The following RPL27A variants were observed in gnomAD, a reference collection of about 807,000 sequenced individuals.
The protein encoded by RPL27A is ribosomal protein L27a.
For missense variants in RPL27A, 118 were observed against 189.4 expected, an observed-to-expected ratio of 0.62 and a Z score of 2.21; for synonymous variants, 69 against 68.3, an observed-to-expected ratio of 1.01 and a Z score of -0.05.
In RPL27A at chr11:8,689,286, G is replaced by T. The variant is rs754930449; in HGVS notation, c.*3480G>T. On this transcript the variant is annotated 3_prime_UTR_variant, in exon 5 of 5. Coordinates refer to ENST00000314138, the MANE Select transcript of RPL27A (RefSeq NM_000990.5). ...TTCGAGATGGGAACCTCCAGAATTT[G>T]TCTCAATTGTCTAAAAGGTAATGAG... The T allele has an allele frequency of 6.6e-6, 1 of 152,250 alleles. No homozygotes were observed. The highest frequency in any genetic ancestry group is 1.5e-5 in the Non-Finnish European group (1 of 68,048). The allele number at this position is 152,250 out of a possible 1,614,324, so 9.4% of individuals were successfully genotyped here.
chr11:8,684,446 G>A (rs567756662), intron 3 of RPL27A: 2 of 700,672 alleles, frequency 2.9e-6, no homozygotes, highest in Non-Finnish European at 5.3e-6. Context: ...TTTCCATAGA[G>A]TGCTGTTATG....
chr11:8,685,173 C>G (rs1188170526), intron 4 of RPL27A: 8 of 498,894 alleles, frequency 1.6e-5, no homozygotes, highest in Non-Finnish European at 2.9e-5. Flanking sequence ...CTAATATGTT[C>G]CATTGATACT....
intron 4 of RPL27A, 71 bp from the exon 5 acceptor site, chr11:8,685,607 C>CT (rs759553238): frequency 6.4e-7 from 1 of 1,566,838 alleles, no homozygotes; most frequent in African/African-American, 1.3e-5. Flanking sequence ...GGTTGGCAGT[C>CT]TTTCCTCACG....
chr11:8,684,846 C>G lies in RPL27A; in HGVS notation c.272C>G (p.Ala91Gly), dbSNP rs749229070. ...LVSEQTRVNAAKNKTGAAPII... is the reference protein window; with the variant it reads ...LVSEQTRVNAGKNKTGAAPII... ...AGTGAACAGACACGGGTGAATGCTGCTAAAAACAAGACTGGGGCTGCTCCC... is the reference window on the plus strand; with the variant it reads ...AGTGAACAGACACGGGTGAATGCTGGTAAAAACAAGACTGGGGCTGCTCCC... The change falls in exon 4 of 5, where the codon GCT becomes GGT. Residue 91 changes from alanine to glycine, a missense_variant. By Grantham distance (60) the Ala-to-Gly change is moderately conservative. Coordinates refer to ENST00000314138, the MANE Select transcript of RPL27A (RefSeq NM_000990.5). 22 of 1,614,080 alleles carry G rather than the reference C, an allele frequency of 1.4e-5. No homozygotes were observed. The South Asian group carries it at 2.3e-4, about 17-fold the overall frequency.
rs1334524395 is a variant in RPL27A at position 8,685,886 on chromosome 11, A to G, written c.*80A>G. Reference sequence around the variant, plus strand: ...GTGTAGGTTCTTCAGTGGCACCTCTACATCCTGTGTGCATTGGGAGCCCAG... The same window carrying G: ...GTGTAGGTTCTTCAGTGGCACCTCTGCATCCTGTGTGCATTGGGAGCCCAG... On this transcript the variant is annotated 3_prime_UTR_variant, in exon 5 of 5. Coordinates refer to ENST00000314138, the MANE Select transcript of RPL27A (RefSeq NM_000990.5). The G allele has an allele frequency of 7.7e-6, 11 of 1,422,570 alleles. No individual in the cohort carries two copies. Among genetic ancestry groups the G allele is most frequent in the Non-Finnish European group, 8.8e-6 (9 of 1,025,936 alleles). 88.1% of individuals were successfully genotyped at this position (1,422,570 alleles called of 1,614,324 possible).
At position 8,686,618 on chromosome 11, in the gene RPL27A, T is replaced by A. The variant is rs2039589667; in HGVS notation, c.*812T>A. 1 of 152,244 alleles carries A rather than the reference T, an allele frequency of 6.6e-6. No individual in the cohort carries two copies. Among genetic ancestry groups the A allele is most frequent in the Non-Finnish European group, 1.5e-5 (1 of 68,042 alleles). The allele number at this position is 152,244 out of a possible 1,614,324, so 9.4% of individuals were successfully genotyped here. ...GATGGGGGTCCAGCAATCTGAAATTTCAGTATGCCAGGGCTTTTCTGTATG... is the reference window on the plus strand; with the variant it reads ...GATGGGGGTCCAGCAATCTGAAATTACAGTATGCCAGGGCTTTTCTGTATG... On this transcript the variant is annotated 3_prime_UTR_variant, in exon 5 of 5. Transcript: ENST00000314138.
chr11:8,684,644 G>T (rs969780660), intron 3 of RPL27A, 74 bp from the exon 4 acceptor site: 2 of 1,266,730 alleles, frequency 1.6e-6, no homozygotes, highest in Non-Finnish European at 2.3e-6. Context: ...CTAATAGGGG[G>T]TGGTAACTAT....
chr11:8,684,494 G>A (rs2039564998), intron 3 of RPL27A: 1 of 679,826 alleles, frequency 1.5e-6, no homozygotes, highest in African/African-American at 1.8e-5. Context: ...CTCTGACATT[G>A]TCGGTGGTTT....
chr11:8,683,421 G>A (rs2039531258), intron 2 of RPL27A, 156 bp downstream of exon 2: 3 of 641,532 alleles, frequency 4.7e-6, no homozygotes. Context: ...TAGTATTCCA[G>A]TTCTAAGGAA....
Position 8,685,906 on chromosome 11 carries a change from G to A in RPL27A, c.*100G>A. The A allele has an allele frequency of 8.3e-7, 1 of 1,206,210 alleles. No individual in the cohort carries two copies. The highest frequency in any genetic ancestry group is 2.4e-5 in the East Asian group (1 of 42,276). 74.7% of individuals were successfully genotyped at this position (1,206,210 alleles called of 1,614,324 possible). A position where few individuals can be genotyped will look rare whatever the true frequency, so the allele number is the denominator to read the frequency against. On this transcript the variant is annotated 3_prime_UTR_variant, in exon 5 of 5. Transcript: ENST00000314138. ...CCTCTACATCCTGTGTGCATTGGGA[G>A]CCCAGGTTCTAGTACTTAGGGTATG...
Position 8,685,873 on chromosome 11 carries a change from C to T in RPL27A, c.*67C>T, listed in dbSNP as rs560556038. The T allele has an allele frequency of 4.8e-5, 73 of 1,506,206 alleles. 1 individual carries two copies. In the African/African-American group the frequency reaches 9.3e-4, roughly 19 times the overall value. 93.3% of individuals were successfully genotyped at this position (1,506,206 alleles called of 1,614,324 possible). A position where few individuals can be genotyped will look rare whatever the true frequency, so the allele number is the denominator to read the frequency against. On this transcript the variant is annotated 3_prime_UTR_variant, in exon 5 of 5. Transcript: ENST00000314138. ...CCTTGTGGTGTGAGTGTAGGTTCTT[C>T]AGTGGCACCTCTACATCCTGTGTGC...
intron 3 of RPL27A, chr11:8,684,454 A>T (rs1231892382): frequency 2.9e-6 from 2 of 697,332 alleles, no homozygotes; most frequent in Admixed American, 1.8e-5. Flanking sequence ...GAGTGCTGTT[A>T]TGTGACTTGA....
Position 8,688,349 on chromosome 11 carries a change from TG to T in RPL27A, c.*2546del, listed in dbSNP as rs1019867011. The T allele has an allele frequency of 3.3e-5, 5 of 152,200 alleles. No individual in the cohort carries two copies. Among genetic ancestry groups the T allele is most frequent in the African/African-American group, 1.2e-4 (5 of 41,442 alleles). 9.4% of individuals were successfully genotyped at this position (152,200 alleles called of 1,614,324 possible). On this transcript the variant is annotated 3_prime_UTR_variant, in exon 5 of 5. Coordinates refer to ENST00000314138, the MANE Select transcript of RPL27A (RefSeq NM_000990.5). ...TGTTAGGCCATCCGATCCCCTGGCCTGGGAAAGAAACACTGATTTCGTTGCT... is the reference window on the plus strand; with the variant it reads ...TGTTAGGCCATCCGATCCCCTGGCCTGGAAAGAAACACTGATTTCGTTGCT...
In RPL27A at chr11:8,684,854, A is replaced by C. The variant is rs1296083813; in HGVS notation, c.280A>C (p.Lys94Gln). ...GACACGGGTGAATGCTGCTAAAAAC[A>C]AGACTGGGGCTGCTCCCATCATTGA... ...EQTRVNAAKN[K>Q]TGAAPIIDVV... Residue 94 changes from lysine to glutamine, a missense_variant, in exon 4 of 5, where the codon AAG becomes CAG. Physicochemically the swap from Lys to Gln is moderately conservative, Grantham distance 53. Coordinates refer to ENST00000314138, the MANE Select transcript of RPL27A (RefSeq NM_000990.5). 6.2e-7 allele frequency: 1 copy of C among 1,614,164 alleles called. No homozygotes were observed. Among genetic ancestry groups the C allele is most frequent in the East Asian group, 2.2e-5 (1 of 44,892 alleles).
Position 8,688,499 on chromosome 11 carries a change from C to G in RPL27A, c.*2693C>G, listed in dbSNP as rs1432057025. On this transcript the variant is annotated 3_prime_UTR_variant, in exon 5 of 5. Coordinates refer to ENST00000314138, the MANE Select transcript of RPL27A (RefSeq NM_000990.5). ...CGATTCCAGTGCTTTCTTGAACCCGCATTTACTAAAATATTTTCATGACTG... is the reference window on the plus strand; with the variant it reads ...CGATTCCAGTGCTTTCTTGAACCCGGATTTACTAAAATATTTTCATGACTG... The G allele has an allele frequency of 6.6e-6, 1 of 152,206 alleles. No individual in the cohort carries two copies. The highest frequency in any genetic ancestry group is 2.4e-5 in the African/African-American group (1 of 41,438). The allele number at this position is 152,206 out of a possible 1,614,324, so 9.4% of individuals were successfully genotyped here.
intron 2 of RPL27A, chr11:8,683,790 G>A (rs1789122224): frequency 3.5e-6 from 2 of 568,170 alleles, no homozygotes; most frequent in Non-Finnish European, 6.4e-6. Flanking sequence ...CGATTCTCCT[G>A]CCTCAGCCTC....
At position 8,684,834 on chromosome 11, in the gene RPL27A, G is replaced by T. The variant is rs758843077; in HGVS notation, c.260G>T (p.Arg87Leu). ...KLWTLVSEQTRVNAAKNKTGA... is the reference protein window; with the variant it reads ...KLWTLVSEQTLVNAAKNKTGA... Reference sequence around the variant, plus strand: ...TGGACTTTGGTCAGTGAACAGACACGGGTGAATGCTGCTAAAAACAAGACT... The same window carrying T: ...TGGACTTTGGTCAGTGAACAGACACTGGTGAATGCTGCTAAAAACAAGACT... Residue 87 changes from arginine to leucine, a missense_variant, in exon 4 of 5, where the codon CGG becomes CTG. Physicochemically the swap from Arg to Leu is moderately radical, Grantham distance 102 (BLOSUM62 -2). Transcript: ENST00000314138. 1 of 1,614,002 alleles carries T rather than the reference G, an allele frequency of 6.2e-7. No homozygotes were observed. Among genetic ancestry groups the T allele is most frequent in the Non-Finnish European group, 8.5e-7 (1 of 1,179,858 alleles).
chr11:8,685,058 C>T (rs1431196159), intron 4 of RPL27A, 166 bp downstream of exon 4: 3 of 693,442 alleles, frequency 4.3e-6, no homozygotes, highest in Non-Finnish European at 7.5e-6. Context: ...GCAGTGCCTA[C>T]TGTCACTGCC....
At position 8,684,020 on chromosome 11, in the gene RPL27A, C is replaced by T. The variant is rs1592235988; in HGVS notation, c.82C>T (p.His28Tyr). ...TATTCCTGCAGGCAAGCACCGGAAGCACCCCGGCGGCCGCGGTAATGCTGG... is the reference window on the plus strand; with the variant it reads ...TATTCCTGCAGGCAAGCACCGGAAGTACCCCGGCGGCCGCGGTAATGCTGG... ...GHGRIGKHRK[H>Y]PGGRGNAGGL... The change falls in exon 3 of 5, where the codon CAC (histidine) becomes TAC (tyrosine). Residue 28 changes from histidine (H) to tyrosine (Y), a missense_variant. His to Tyr is a moderately conservative substitution (Grantham distance 83, BLOSUM62 2). Transcript: ENST00000314138. The T allele has an allele frequency of 6.2e-7, 1 of 1,612,608 alleles. No homozygotes were observed. Among genetic ancestry groups the T allele is most frequent in the South Asian group, 1.1e-5 (1 of 91,074 alleles).
Sources: gnomAD v4.1 joint callset for allele counts on GRCh38, gnomAD v4.1.1 for gene constraint, MANE v1.5 for transcripts, NCBI Gene and HGNC (gene_info 2026-07-23, HGNC 2026-07-21) for gene names.